The following KIF1B variants were observed in gnomAD, a reference collection of about 807,000 sequenced individuals.
KIF1B encodes kinesin-like protein KIF1B.
A neutral mutation model predicts 241.9 loss-of-function variants in KIF1B; 76 were observed. The observed-to-expected ratio is 0.31, with a 90% CI of 0.26 to 0.38. The LOEUF is 0.38. Ranked by LOEUF, KIF1B falls within the 10% of genes least tolerant of loss-of-function variation. The pLI, the probability that KIF1B is intolerant of heterozygous loss-of-function variation, is 1.00. For missense variants in KIF1B, 1,622 were observed against 2,271.4 expected (o/e 0.71, Z 5.81); for synonymous variants, 750 against 796.7 (o/e 0.94, Z 0.99).
intron 2 of KIF1B, among the ~76,000 whole-genome samples, chr1:10,240,138 G>A (rs1647115654): frequency 6.6e-6 from 1 of 151,970 alleles, no homozygotes; most frequent in Admixed American, 6.6e-5. Context: ...TCCTGACCTC[G>A]TGATCCGCCC....
In KIF1B at chr1:10,220,158, C is replaced by A. The variant is rs1278044859; in HGVS notation, c.-80+9280C>A. 2.5e-4 allele frequency among the ~76,000 whole-genome samples: 37 copies of A among 148,454 alleles called. 1 individual carries two copies. Among genetic ancestry groups the A allele is most frequent in the Non-Finnish European group, 5.9e-5 (4 of 67,640 alleles). On this transcript the variant is annotated intron_variant, in intron 1 of 48. Transcript: ENST00000676179. Reference sequence around the variant, plus strand: ...TGGAGGTTACGGTGAGCCGAGATCGCGAGCCATTGCACTCCAGCCTGGGCA... The same window carrying A: ...TGGAGGTTACGGTGAGCCGAGATCGAGAGCCATTGCACTCCAGCCTGGGCA...
intron 1 of KIF1B, among the ~76,000 whole-genome samples, chr1:10,215,280 G>A (rs934720501): frequency 1.6e-4 from 24 of 147,266 alleles, no homozygotes; most frequent in African/African-American, 5.5e-4. Context: ...AGGTTCAAGC[G>A]GTTCTCCTGC....
intron 34 of KIF1B, 159 bp from the exon 35 acceptor site, chr1:10,345,686 T>G (rs1652562788): frequency 3.1e-6 from 2 of 655,002 alleles, no homozygotes; most frequent in South Asian, 3.5e-5. Flanking sequence ...ACTTACAAAG[T>G]TTATATTGGT....
intron 2 of KIF1B, among the ~76,000 whole-genome samples, chr1:10,238,555 A>AT (rs773255129): frequency 6.6e-6 from 1 of 151,810 alleles, no homozygotes; most frequent in Admixed American, 6.6e-5. Context: ...AATACAAAAA[A>AT]TTAGCTGAGC....
At chr1:10,282,266 T>C in intron 14 of KIF1B, 56 bp from the exon 15 acceptor site, 1 of 1,395,878 alleles carries the variant, frequency 7.2e-7, no homozygotes, top group South Asian at 1.2e-5. Flanking sequence ...TTTTTCTTCC[T>C]CTGCTTCTTT....
In KIF1B at chr1:10,303,664, G is replaced by A. The variant is rs1394658315; in HGVS notation, c.2115+6418G>A. 6.2e-7 allele frequency: 1 copy of A among 1,614,182 alleles called. No individual in the cohort carries two copies. On this transcript the variant is annotated intron_variant, in intron 22 of 48. Coordinates refer to ENST00000676179, the MANE Select transcript of KIF1B (RefSeq NM_001365951.3). This position sits in a 1 kb window ranked among gnomAD's most constrained non-coding sequence, Gnocchi z 5.2. The stretch of plus-strand genomic sequence containing the variant: ...CCTCAAGGTTCATATAGACAAGCTG[G>A]AAGATATTTTGCAAGAAGTCAAAAA...
At chr1:10,349,225 G>A (rs1017836044) in intron 37 of KIF1B, among the ~76,000 whole-genome samples, 1 of 151,974 alleles carries the variant, frequency 6.6e-6, no homozygotes, top group South Asian at 2.1e-4. Flanking sequence ...GATTACTTGA[G>A]CCCAGGGGTT....
chr1:10,324,210 A>G (rs1651634307), intron 25 of KIF1B, 148 bp downstream of exon 25: 4 of 758,574 alleles, frequency 5.3e-6, no homozygotes, highest in African/African-American at 5.2e-5. Flanking sequence ...CAATGGTATT[A>G]CCATCCATCT....
At chr1:10,226,627 A>T (rs1283507156) in intron 1 of KIF1B, among the ~76,000 whole-genome samples, 2 of 152,204 alleles carry the variant, frequency 1.3e-5, no homozygotes, top group Non-Finnish European at 2.9e-5. Flanking sequence ...AAATTCCTTA[A>T]TATCATCTAA....
At chr1:10,264,431 A>G (rs1311525320) in intron 5 of KIF1B, among the ~76,000 whole-genome samples, 2 of 152,208 alleles carry the variant, frequency 1.3e-5, no homozygotes, top group East Asian at 1.9e-4. Flanking sequence ...AATGGAGCAC[A>G]TGAACTTTTA....
chr1:10,258,600 G>A lies in KIF1B; in HGVS notation c.291G>A (p.Gly97=), dbSNP rs1047035874. 14 of 1,613,994 alleles carry A rather than the reference G, an allele frequency of 8.7e-6. No individual in the cohort carries two copies. Among genetic ancestry groups the A allele is most frequent in the Admixed American group, 8.3e-5 (5 of 59,982 alleles). Residue 97 remains glycine, a synonymous_variant, in exon 4 of 49, where the codon GGG becomes GGA. Transcript: ENST00000676179. ...ATAATGTCTGTATTTTTGCCTATGG[G>A]CAGACTGGTGCTGGAAAATCTTATA... ...EGYNVCIFAY[G]QTGAGKSYTM...
chr1:10,347,911 G>A, intron 36 of KIF1B, 84 bp downstream of exon 36: 1 of 1,201,132 alleles, frequency 8.3e-7, no homozygotes, highest in Non-Finnish European at 1.2e-6. Context: ...CTTATTCTCT[G>A]TTTTCATCTC....
chr1:10,296,480 G>C, intron 19 of KIF1B, 102 bp from the exon 20 acceptor site: 1 of 956,514 alleles, frequency 1.0e-6, no homozygotes, highest in Non-Finnish European at 1.6e-6. Context: ...TTGATTGCAG[G>C]GATTTATTCT....
intron 2 of KIF1B, among the ~76,000 whole-genome samples, chr1:10,239,852 G>T (rs2102146133): frequency 6.6e-6 from 1 of 152,098 alleles, no homozygotes; most frequent in East Asian, 1.9e-4. Flanking sequence ...TGCAAGCTCT[G>T]CCTCCTGGGT....
At chr1:10,333,012 A>G (rs890374986) in intron 27 of KIF1B, among the ~76,000 whole-genome samples, 3 of 145,716 alleles carry the variant, frequency 2.1e-5, no homozygotes, top group Admixed American at 2.1e-4. Context: ...GTGTTTCGCC[A>G]TGTTGGCCAG....
At position 10,360,941 on chromosome 1, in the gene KIF1B, C is replaced by T; in HGVS notation, c.4068C>T (p.Arg1356=). The change falls in exon 39 of 49, where the codon CGC becomes CGT. Residue 1356 remains arginine, a synonymous_variant. Coordinates refer to ENST00000676179, the MANE Select transcript of KIF1B (RefSeq NM_001365951.3). ...TTTCTGACCTTAGGACCTTCTACCGCTTTGAGGCTGTGTGGGATAGCTCTC... is the reference window on the plus strand; with the variant it reads ...TTTCTGACCTTAGGACCTTCTACCGTTTTGAGGCTGTGTGGGATAGCTCTC... The part of the protein sequence containing the change: ...SSHNSSRTFY[R]FEAVWDSSLH... 1 of 1,613,420 alleles carries T rather than the reference C, an allele frequency of 6.2e-7. No homozygotes were observed. Among genetic ancestry groups the T allele is most frequent in the Non-Finnish European group, 8.5e-7 (1 of 1,179,366 alleles).
At chr1:10,261,666 G>T (rs74704438) in intron 4 of KIF1B, among the ~76,000 whole-genome samples, 1 of 152,170 alleles carries the variant, frequency 6.6e-6, no homozygotes, top group East Asian at 1.9e-4. Context: ...GAATTTTCCA[G>T]CTTTCTTATA....
intron 1 of KIF1B, among the ~76,000 whole-genome samples, chr1:10,212,293 G>C (rs1474298115): frequency 6.6e-6 from 1 of 152,214 alleles, no homozygotes; most frequent in Non-Finnish European, 1.5e-5. Flanking sequence ...TCTAAGAAGT[G>C]AGGTGGTGCT....
chr1:10,276,782 A>T (rs1649133044), intron 12 of KIF1B, among the ~76,000 whole-genome samples: 1 of 152,156 alleles, frequency 6.6e-6, no homozygotes, highest in African/African-American at 2.4e-5. Context: ...GTTTGTCGTT[A>T]TAGAAATGCT....
Sources: allele counts gnomAD v4.1 joint callset (sites outside exome capture counted in the v4.1 genomes callset), GRCh38; gene constraint gnomAD v4.1.1; non-coding constraint Gnocchi (gnomAD v3.1); transcripts MANE v1.5; gene names NCBI Gene and HGNC (gene_info 2026-07-23, HGNC 2026-07-21).